SENP2: variants seen among roughly 807,000 people sequenced by gnomAD.
SENP2 encodes the protein SUMO specific peptidase 2, also known as sentrin-specific protease 2.
A neutral mutation model predicts 86.3 loss-of-function variants in SENP2; 16 were observed. The observed-to-expected ratio is 0.19, with a 90% CI of 0.13 to 0.28. The LOEUF is 0.28. Among genes scored for constraint, SENP2 ranks in the 10% least tolerant of loss-of-function variants. The pLI is 1.00. For missense variants in SENP2, 552 were observed against 703.0 expected (o/e 0.79, Z 2.43); for synonymous variants, 222 against 238.7 (o/e 0.93, Z 0.64).
chr3:185,626,462 C>A, intron 16 of SENP2, 69 bp downstream of exon 16: 1 of 1,043,310 alleles, frequency 9.6e-7, no homozygotes, highest in Non-Finnish European at 1.5e-6. Context: ...CAGTGCCTGG[C>A]ACACATTCAG....
chr3:185,592,009 TTC>T (rs1408908168), intron 2 of SENP2, among the ~76,000 whole-genome samples: 4,166 of 120,482 alleles, frequency 0.035, 128 homozygotes, highest in South Asian at 0.16. Context: ...CCGGTAATAT[TTC>T]TTTTTTTTTT....
chr3:185,611,163 C>A (rs753663050), intron 7 of SENP2, among the ~76,000 whole-genome samples: 1 of 152,110 alleles, frequency 6.6e-6, no homozygotes, highest in Non-Finnish European at 1.5e-5. Flanking sequence ...GTAATCCCAG[C>A]TACTTGGGAG....
At chr3:185,595,410 T>TG (rs1203421817) in intron 2 of SENP2, among the ~76,000 whole-genome samples, 1 of 152,186 alleles carries the variant, frequency 6.6e-6, no homozygotes, top group Non-Finnish European at 1.5e-5. Context: ...ATTCCTAAAA[T>TG]GAAAAACAAC....
At chr3:185,621,760 T>C in intron 13 of SENP2, 66 bp from the exon 14 acceptor site, 1 of 942,924 alleles carries the variant, frequency 1.1e-6, no homozygotes, top group East Asian at 2.4e-5. Flanking sequence ...CTTTTATTTT[T>C]GGAAGTAAAA....
chr3:185,607,393 A>G (rs1367486400), intron 6 of SENP2, among the ~76,000 whole-genome samples: 1 of 130,756 alleles, frequency 7.6e-6, no homozygotes, highest in Non-Finnish European at 1.5e-5. Flanking sequence ...CAATGGCGCG[A>G]TCTTGGCTCA....
Position 185,599,040 on chromosome 3 carries a change from A to C in SENP2, c.358+16A>C. Reference sequence around the variant, plus strand: ...CTGAAACTGGGTGAGGTGGTCAAAAATATTTCTGTTTCCCGCTACCTCCTT... The same window carrying C: ...CTGAAACTGGGTGAGGTGGTCAAAACTATTTCTGTTTCCCGCTACCTCCTT... On this transcript the variant is annotated intron_variant, in intron 4 of 16. Coordinates refer to ENST00000296257, the MANE Select transcript of SENP2 (RefSeq NM_021627.3). 1.2e-6 allele frequency: 2 copies of C among 1,602,472 alleles called. No homozygotes were observed. The highest frequency in any genetic ancestry group is 1.7e-6 in the Non-Finnish European group (2 of 1,172,790).
At position 185,606,600 on chromosome 3, in the gene SENP2, G is replaced by T. The variant is rs1263790168; in HGVS notation, c.618+102G>T. 3.8e-6 allele frequency: 4 copies of T among 1,049,348 alleles called. No homozygotes were observed. The East Asian group carries it at 1.0e-4, about 27-fold the overall frequency. The allele number at this position is 1,049,348 out of a possible 1,614,324, so 65.0% of individuals were successfully genotyped here. ...ATGGTTCAACGTTTGACATACCATT[G>T]TAGGTTTTCCTACAATACAGCCTCC... On this transcript the variant is annotated intron_variant, in intron 6 of 16. Transcript: ENST00000296257.
In SENP2 at chr3:185,629,855, C is replaced by T. The variant is rs761378382; in HGVS notation, c.*11C>T. ...CAGCAGTTGCTGTGAGAAAACTTTG[C>T]CTGGTCCCTCTAGCTGCTGGTGGTT... On this transcript the variant is annotated 3_prime_UTR_variant, in exon 17 of 17. Transcript: ENST00000296257. The T allele has an allele frequency of 2.5e-6, 4 of 1,613,484 alleles. No homozygotes were observed. The highest frequency in any genetic ancestry group is 2.2e-5 in the South Asian group (2 of 91,084).
intron 2 of SENP2, among the ~76,000 whole-genome samples, chr3:185,597,923 G>T (rs1217025655): frequency 6.6e-6 from 1 of 152,188 alleles, no homozygotes; most frequent in Non-Finnish European, 1.5e-5. Flanking sequence ...CAAAGTGCTG[G>T]GATTACAGGC....
intron 12 of SENP2, among the ~76,000 whole-genome samples, chr3:185,618,702 C>G (rs187162288): frequency 1.6e-4 from 25 of 152,114 alleles, no homozygotes; most frequent in African/African-American, 5.8e-4. Context: ...CACGGTGAAA[C>G]CCCGTCTCTA....
chr3:185,619,796 T>C (rs976547430), intron 13 of SENP2, among the ~76,000 whole-genome samples: 4 of 152,098 alleles, frequency 2.6e-5, no homozygotes, highest in Non-Finnish European at 5.9e-5. Flanking sequence ...GGTGTGATCA[T>C]AGCTCATTGC....
intron 15 of SENP2, among the ~76,000 whole-genome samples, chr3:185,624,816 C>T (rs902267891): frequency 4.7e-5 from 7 of 149,466 alleles, no homozygotes; most frequent in South Asian, 4.2e-4. Flanking sequence ...TGCAGTGAGC[C>T]GAGATCGCAC....
At chr3:185,599,186 C>G (rs1722266184) in intron 4 of SENP2, among the ~76,000 whole-genome samples, 162 bp downstream of exon 4, 1 of 152,018 alleles carries the variant, frequency 6.6e-6, no homozygotes, top group African/African-American at 2.4e-5. Context: ...GAATTGTTGT[C>G]TTTGAATTTA....
chr3:185,618,751 T>C (rs1260070909), intron 12 of SENP2, among the ~76,000 whole-genome samples: 1 of 151,726 alleles, frequency 6.6e-6, no homozygotes, highest in African/African-American at 2.4e-5. Context: ...TGGTGGCGGG[T>C]ACCTGTAGTC....
At chr3:185,596,620 C>CA (rs62894960) in intron 2 of SENP2, among the ~76,000 whole-genome samples, 1,582 of 119,648 alleles carry the variant, frequency 0.013, 21 homozygotes, top group African/African-American at 0.036. Context: ...GACCCTGTCT[C>CA]AAAAAAAAAA....
intron 7 of SENP2, among the ~76,000 whole-genome samples, chr3:185,610,624 G>A (rs1229086950): frequency 6.6e-6 from 1 of 152,170 alleles, no homozygotes; most frequent in Non-Finnish European, 1.5e-5. Flanking sequence ...TCTTAACTTT[G>A]TCATGTTGGC....
chr3:185,588,777 A>G (rs1324719417), intron 1 of SENP2, among the ~76,000 whole-genome samples: 1 of 152,072 alleles, frequency 6.6e-6, no homozygotes, highest in Non-Finnish European at 1.5e-5. Context: ...TGTCTGTCCT[A>G]CTCTGGGGCC....
intron 7 of SENP2, among the ~76,000 whole-genome samples, chr3:185,611,056 A>G (rs917829402): frequency 2.0e-5 from 3 of 152,234 alleles, no homozygotes; most frequent in African/African-American, 7.2e-5. Flanking sequence ...CAGGTGGGTC[A>G]CTGGAGGTCA....
Position 185,628,290 on chromosome 3 carries a change from C to T in SENP2, c.1708-1492C>T, listed in dbSNP as rs530461655. Among the ~76,000 whole-genome samples the T allele has an allele frequency of 1.1e-4, 17 of 152,216 alleles. No homozygotes were observed. The East Asian group carries it at 3.3e-3, about 29-fold the overall frequency. ...TAGCTGGGACTACAGGCATGTACCA[C>T]CATGCCTGGCTAATTTTTGTATTTT... On this transcript the variant is annotated intron_variant, in intron 16 of 16. Coordinates refer to ENST00000296257, the MANE Select transcript of SENP2 (RefSeq NM_021627.3).
Sources: gnomAD v4.1 joint callset for allele counts (sites outside exome capture counted in the v4.1 genomes callset) on GRCh38, gnomAD v4.1.1 for gene constraint, MANE v1.5 for transcripts, NCBI Gene and HGNC (gene_info 2026-07-23, HGNC 2026-07-21) for gene names.